The following PDE4B variants were observed in gnomAD, a reference collection of about 807,000 sequenced individuals.
The protein encoded by PDE4B is 3',5'-cyclic-AMP phosphodiesterase 4B.
A neutral mutation model predicts 82.2 loss-of-function variants in PDE4B; 20 were observed. That is an observed-to-expected ratio of 0.24 (90% CI 0.17 to 0.35). PDE4B has a LOEUF of 0.35. Ranked by LOEUF, PDE4B falls within the 10% of genes least tolerant of loss-of-function variation. PDE4B has a pLI of 1.00. For missense variants in PDE4B, 655 were observed against 907.2 expected, an observed-to-expected ratio of 0.72 and a Z score of 3.57; for synonymous variants, 320 against 318.9, an observed-to-expected ratio of 1.00 and a Z score of -0.04.
At chr1:66,213,015 C>T (rs1164645711) in intron 3 of PDE4B, among the ~76,000 whole-genome samples, 1 of 152,234 alleles carries the variant, frequency 6.6e-6, no homozygotes, top group Non-Finnish European at 1.5e-5. Context: ...TCCTCTTTCT[C>T]AGCAGTGGCT....
intron 3 of PDE4B, among the ~76,000 whole-genome samples, chr1:66,107,963 AT>A (rs1254799907): frequency 3.9e-5 from 6 of 152,076 alleles, no homozygotes; most frequent in South Asian, 4.1e-4. Context: ...ATACACATTT[AT>A]TTTTTTAAAT....
At chr1:66,302,615 C>G (rs970714664) in intron 7 of PDE4B, among the ~76,000 whole-genome samples, 1 of 152,124 alleles carries the variant, frequency 6.6e-6, no homozygotes, top group Admixed American at 6.6e-5. Flanking sequence ...GGCTGGTATT[C>G]TTAACCTCAT....
intron 15 of PDE4B, 34 bp downstream of exon 15, chr1:66,368,099 C>G: frequency 2.5e-6 from 4 of 1,606,226 alleles, no homozygotes; most frequent in Non-Finnish European, 2.6e-6. Context: ...TAACACAAAA[C>G]CAAACCAAAC....
At chr1:66,327,922 A>G (rs1659847963) in intron 7 of PDE4B, among the ~76,000 whole-genome samples, 2 of 152,242 alleles carry the variant, frequency 1.3e-5, no homozygotes, top group South Asian at 4.1e-4. Context: ...CCTCTGTTTC[A>G]TAGACCAAGA....
intron 3 of PDE4B, among the ~76,000 whole-genome samples, chr1:66,235,895 A>G (rs1213995547): frequency 1.3e-5 from 2 of 152,256 alleles, no homozygotes; most frequent in Admixed American, 6.5e-5. Flanking sequence ...GGGCAGCAGC[A>G]TTTATTAATA....
chr1:66,051,376 G>C (rs1038233779), intron 3 of PDE4B, among the ~76,000 whole-genome samples: 3 of 152,112 alleles, frequency 2.0e-5, no homozygotes, highest in African/African-American at 7.2e-5. Context: ...TATTGGGTCA[G>C]TATAGGAGAG....
chr1:65,869,254 A>T (rs1371340138), intron 1 of PDE4B, among the ~76,000 whole-genome samples: 1 of 152,350 alleles, frequency 6.6e-6, no homozygotes, highest in Middle Eastern at 3.4e-3. Context: ...AAAGTTATCC[A>T]TTCTGTGTCC....
At chr1:65,841,654 A>C (rs1168653366) in intron 1 of PDE4B, among the ~76,000 whole-genome samples, 2 of 152,176 alleles carry the variant, frequency 1.3e-5, no homozygotes, top group Non-Finnish European at 2.9e-5. Context: ...ATGTTTTTTT[A>C]CTTGGAGAGG....
chr1:66,305,970 A>T (rs192829819), intron 7 of PDE4B, among the ~76,000 whole-genome samples: 1 of 152,112 alleles, frequency 6.6e-6, no homozygotes, highest in African/African-American at 2.4e-5. Context: ...GAGGCACCCA[A>T]TAGACTGCGT....
chr1:65,834,638 T>G (rs2101311899), intron 1 of PDE4B, among the ~76,000 whole-genome samples: 1 of 152,294 alleles, frequency 6.6e-6, no homozygotes, highest in African/African-American at 2.4e-5. Context: ...AGAAGTATAA[T>G]TTGGTATAAC....
intron 3 of PDE4B, among the ~76,000 whole-genome samples, chr1:66,108,214 A>ATCCCTGTCACCTGCCCACCCCAG (rs1553147081): frequency 6.6e-6 from 1 of 151,910 alleles, no homozygotes; most frequent in Non-Finnish European, 1.5e-5. Context: ...GGTCTTCCCA[A>ATCCCTGTCACCTGCCCACCCCAG]TCCCTGTCAC....
intron 3 of PDE4B, among the ~76,000 whole-genome samples, chr1:66,231,631 C>T (rs1038036398): frequency 2.6e-5 from 4 of 152,192 alleles, no homozygotes; most frequent in African/African-American, 9.7e-5. Context: ...TGTGTTTCCT[C>T]AAATACTTAA....
chr1:66,120,512 A>C (rs568147138), intron 3 of PDE4B, among the ~76,000 whole-genome samples: 1 of 152,310 alleles, frequency 6.6e-6, no homozygotes, highest in African/African-American at 2.4e-5. Flanking sequence ...ATTAGAGATC[A>C]CAACTTGGAC....
chr1:65,940,874 T>G (rs905254982), intron 3 of PDE4B, among the ~76,000 whole-genome samples: 2 of 152,094 alleles, frequency 1.3e-5, no homozygotes, highest in Non-Finnish European at 2.9e-5. Context: ...AAATATAGTA[T>G]TAATACTTTA....
intron 1 of PDE4B, among the ~76,000 whole-genome samples, chr1:65,800,243 AAG>A (rs1367336710): frequency 6.6e-6 from 1 of 152,254 alleles, no homozygotes; most frequent in Non-Finnish European, 1.5e-5. Flanking sequence ...TACTTAAAGG[AAG>A]CTCCTATATA....
chr1:66,324,896 TA>T (rs1557701209), intron 7 of PDE4B, among the ~76,000 whole-genome samples: 1 of 152,172 alleles, frequency 6.6e-6, no homozygotes, highest in Non-Finnish European at 1.5e-5. Context: ...TGTTGCACTC[TA>T]ACCTGAGTGT....
chr1:65,874,812 T>C (rs1205019045), intron 1 of PDE4B, among the ~76,000 whole-genome samples: 1 of 151,540 alleles, frequency 6.6e-6, no homozygotes, highest in Non-Finnish European at 1.5e-5. Context: ...GGATTAAAGA[T>C]TTAAACGTTA....
At chr1:66,003,926 C>T (rs1652007869) in intron 3 of PDE4B, among the ~76,000 whole-genome samples, 1 of 152,090 alleles carries the variant, frequency 6.6e-6, no homozygotes, top group Non-Finnish European at 1.5e-5. Context: ...TGTGAGTTCA[C>T]CCATAAAACA....
intron 3 of PDE4B, among the ~76,000 whole-genome samples, chr1:66,129,607 C>A (rs1645894039): frequency 6.9e-6 from 1 of 144,416 alleles, no homozygotes; most frequent in Non-Finnish European, 1.5e-5. Context: ...TTGCAGTGAG[C>A]CGAGATCCCG....
Sources: allele counts gnomAD v4.1 joint callset (sites outside exome capture counted in the v4.1 genomes callset), GRCh38; gene constraint gnomAD v4.1.1; transcripts MANE v1.5; gene names NCBI Gene and HGNC (gene_info 2026-07-23, HGNC 2026-07-21).